HDAC9: variants seen among roughly 807,000 people sequenced by gnomAD.
The protein encoded by HDAC9 is MEF-2 interacting transcription repressor (MITR) protein.
A neutral mutation model predicts 139.4 loss-of-function variants in HDAC9; 41 were observed. That is an observed-to-expected ratio of 0.29 (90% CI 0.23 to 0.38). The LOEUF (loss-of-function observed/expected upper bound fraction) is 0.38, where lower values mean the gene tolerates loss of function less well. HDAC9 is among the 10% of genes least tolerant of loss of function. The pLI is 1.00. For missense variants in HDAC9, 1,147 were observed against 1,297.0 expected (o/e 0.88, Z 1.78); for synonymous variants, 517 against 476.2 (o/e 1.09, Z -1.12).
intron 22 of HDAC9, among the ~76,000 whole-genome samples, chr7:18,935,585 G>C (rs1461649936): frequency 6.6e-6 from 1 of 152,152 alleles, no homozygotes; most frequent in Non-Finnish European, 1.5e-5. Context: ...GCCAGTCTTG[G>C]TTGTGATACT....
intron 7 of HDAC9, 99 bp downstream of exon 7, chr7:18,629,580 A>C: frequency 8.5e-7 from 1 of 1,179,316 alleles, no homozygotes; most frequent in Non-Finnish European, 1.1e-6. Flanking sequence ...AGTTATTTTG[A>C]GAAGAAATAT....
At position 18,744,056 on chromosome 7, in the gene HDAC9, A is replaced by G. The variant is rs1192924062; in HGVS notation, c.1910-4949A>G. 2.0e-5 allele frequency among the ~76,000 whole-genome samples: 2 copies of G among 100,830 alleles called. 1 individual carries two copies. The allele number at this position is 100,830 out of a possible 152,430, so 66.1% of individuals were successfully genotyped here. ...TTTGAGATGGAGTTTCGCTCTTGTT[A>G]CCCAGGCTGGAGTGCAACAGCACTC... On this transcript the variant is annotated intron_variant, in intron 13 of 25. Transcript: ENST00000686413.
At chr7:18,798,983 G>A (rs1427530247) in intron 17 of HDAC9, among the ~76,000 whole-genome samples, 1 of 151,314 alleles carries the variant, frequency 6.6e-6, no homozygotes, top group African/African-American at 2.4e-5. Context: ...CAAACAGGAA[G>A]TGAAGGTCCG....
At chr7:18,648,358 T>C (rs1028230144) in intron 10 of HDAC9, 108 bp from the exon 11 acceptor site, 4 of 899,868 alleles carry the variant, frequency 4.4e-6, no homozygotes, top group Non-Finnish European at 5.2e-6. Flanking sequence ...GTTTATACCA[T>C]GTATCTGTTT....
chr7:18,907,202 A>T (rs1006990581), intron 22 of HDAC9, among the ~76,000 whole-genome samples: 2 of 152,204 alleles, frequency 1.3e-5, no homozygotes, highest in Middle Eastern at 3.2e-3. Flanking sequence ...TTTTTTCTTT[A>T]TAATTCTGTT....
At chr7:18,819,616 G>A (rs554341831) in intron 17 of HDAC9, among the ~76,000 whole-genome samples, 2 of 152,046 alleles carry the variant, frequency 1.3e-5, no homozygotes, top group South Asian at 2.1e-4. Flanking sequence ...TGGTCCCACC[G>A]GAAAACATCA....
intron 21 of HDAC9, among the ~76,000 whole-genome samples, chr7:18,847,861 G>C (rs1797013924): frequency 6.6e-6 from 1 of 152,144 alleles, no homozygotes; most frequent in Non-Finnish European, 1.5e-5. Context: ...TGAAAGCCAA[G>C]GGACACGGAG....
At chr7:18,620,254 G>A (rs1021878078) in intron 6 of HDAC9, among the ~76,000 whole-genome samples, 3 of 151,960 alleles carry the variant, frequency 2.0e-5, no homozygotes, top group African/African-American at 7.3e-5. Context: ...TTAATCGAAT[G>A]TAATTAAACA....
chr7:18,683,697 T>A (rs1782051492), intron 12 of HDAC9, among the ~76,000 whole-genome samples: 1 of 152,110 alleles, frequency 6.6e-6, no homozygotes, highest in Admixed American at 6.6e-5. Flanking sequence ...TGAGCTGTTG[T>A]ATTTTTTCAC....
chr7:18,299,881 CT>C (rs1798418785), intron 1 of HDAC9, among the ~76,000 whole-genome samples: 1 of 152,126 alleles, frequency 6.6e-6, no homozygotes, highest in African/African-American at 2.4e-5. Context: ...TTCCAGGGAG[CT>C]ACGTATTTTA....
At chr7:18,879,412 T>C (rs935887535) in intron 22 of HDAC9, among the ~76,000 whole-genome samples, 2 of 152,112 alleles carry the variant, frequency 1.3e-5, no homozygotes, top group Non-Finnish European at 2.9e-5. Flanking sequence ...CTTCAAACTA[T>C]ACTTCCAGGC....
At chr7:18,203,752 A>G (rs1050284592) in intron 2 of HDAC9, among the ~76,000 whole-genome samples, 1 of 152,212 alleles carries the variant, frequency 6.6e-6, no homozygotes, top group African/African-American at 2.4e-5. Context: ...CCCACACACC[A>G]CTTCCTAGTT....
chr7:18,569,627 A>G (rs1823591971), intron 2 of HDAC9, among the ~76,000 whole-genome samples: 1 of 152,240 alleles, frequency 6.6e-6, no homozygotes, highest in Non-Finnish European at 1.5e-5. Flanking sequence ...AGAAATAGAA[A>G]TTCTAATGAC....
At chr7:18,215,165 A>G (rs1303794793) in intron 2 of HDAC9, among the ~76,000 whole-genome samples, 1 of 152,196 alleles carries the variant, frequency 6.6e-6, no homozygotes, top group Admixed American at 6.5e-5. Context: ...TATCCAAACA[A>G]TTACTGAACT....
chr7:18,149,975 G>A (rs759265141), intron 1 of HDAC9, among the ~76,000 whole-genome samples: 6 of 151,984 alleles, frequency 3.9e-5, no homozygotes, highest in Non-Finnish European at 7.4e-5. Flanking sequence ...GGGATTACAG[G>A]TGTAATCTAA....
At chr7:18,656,486 C>T (rs1029837758) in intron 11 of HDAC9, among the ~76,000 whole-genome samples, 1 of 152,050 alleles carries the variant, frequency 6.6e-6, no homozygotes, top group South Asian at 2.1e-4. Flanking sequence ...ACATGAATTG[C>T]AAAATCTATC....
At chr7:18,729,708 AGT>A (rs1785870386) in intron 13 of HDAC9, among the ~76,000 whole-genome samples, 1 of 152,210 alleles carries the variant, frequency 6.6e-6, no homozygotes, top group Non-Finnish European at 1.5e-5. Context: ...TCAACATTTT[AGT>A]ATTTATCAAA....
intron 1 of HDAC9, among the ~76,000 whole-genome samples, chr7:18,089,209 A>ATT (rs11463784): frequency 7.4e-5 from 11 of 149,396 alleles, no homozygotes; most frequent in South Asian, 2.1e-4. Flanking sequence ...TAGGAGACAG[A>ATT]TTTTTTTTTT....
intron 1 of HDAC9, among the ~76,000 whole-genome samples, chr7:18,428,629 C>A (rs951006370): frequency 1.3e-5 from 2 of 152,148 alleles, no homozygotes; most frequent in Non-Finnish European, 2.9e-5. Flanking sequence ...CAAAAGAGAA[C>A]TGTTGACAAG....
Sources: allele counts gnomAD v4.1 joint callset (sites outside exome capture counted in the v4.1 genomes callset), GRCh38; gene constraint gnomAD v4.1.1; transcripts MANE v1.5; gene names NCBI Gene and HGNC (gene_info 2026-07-23, HGNC 2026-07-21).